The following ZNF713 variants were observed in gnomAD, a reference collection of about 807,000 sequenced individuals.
ZNF713 encodes zinc finger protein 713.
Under a neutral mutation model 28.7 loss-of-function variants are expected in ZNF713, and 21 were observed. The ratio of observed to expected loss-of-function variants is 0.73; its 90% CI spans 0.52 to 1.05. The LOEUF (loss-of-function observed/expected upper bound fraction) is 1.05. ZNF713 is among the 50% of genes least tolerant of loss of function. ZNF713 has a pLI of 0.00. For synonymous variants in ZNF713, 167 were observed against 178.0 expected (o/e 0.94, Z 0.49); for missense variants, 458 against 532.4 (o/e 0.86, Z 1.37).
Position 55,887,824 on chromosome 7 carries a change from CGGGCGGCGGGCGGCG to C in ZNF713, c.-583+147_-583+161del, listed in dbSNP as rs1463684155. ...GCGGGGGGCGGCGGGCGGCGGGCGG[CGGGCGGCGGGCGGCG>C]GGCGGCGGCGGCGGCGGGCGGCGGG... On this transcript the variant is annotated intron_variant, in intron 1 of 6. Coordinates refer to ENST00000429591, the MANE Select transcript of ZNF713 (RefSeq NM_182633.3). The C allele has an allele frequency of 6.8e-3, 10 of 1,460 alleles. 3 individuals are homozygous for C. The highest frequency in any genetic ancestry group is 0.019 in the Non-Finnish European group (10 of 532). 0.1% of individuals were successfully genotyped at this position (1,460 alleles called of 1,614,324 possible).
intron 1 of ZNF713, among the ~76,000 whole-genome samples, chr7:55,894,250 C>T (rs1374086759): frequency 2.6e-5 from 4 of 152,148 alleles, no homozygotes; most frequent in Non-Finnish European, 5.9e-5. Context: ...AGGTTGTCTC[C>T]CAAGGAGGCA....
At position 55,940,489 on chromosome 7, in the gene ZNF713, A is replaced by C; in HGVS notation, c.*483A>C. ...TAAACTAGCAGCATATTACATTCCC[A>C]GGAGGGGTTATAAAAAGAAAAAATA... On this transcript the variant is annotated 3_prime_UTR_variant, in exon 7 of 7. Transcript: ENST00000429591. 1 of 984,432 alleles carries C rather than the reference A, an allele frequency of 1.0e-6. No homozygotes were observed. Among genetic ancestry groups the C allele is most frequent in the South Asian group, 4.7e-5 (1 of 21,262 alleles). 61.0% of individuals were successfully genotyped at this position (984,432 alleles called of 1,614,324 possible).
At chr7:55,893,789 A>G (rs969829043) in intron 1 of ZNF713, among the ~76,000 whole-genome samples, 13 of 152,172 alleles carry the variant, frequency 8.5e-5, no homozygotes, top group Non-Finnish European at 1.6e-4. Flanking sequence ...TATGTTGGCC[A>G]GGCTGGTCTC....
chr7:55,918,675 A>G (rs1345674403), intron 4 of ZNF713, among the ~76,000 whole-genome samples: 11 of 152,204 alleles, frequency 7.2e-5, no homozygotes. Flanking sequence ...CGAAGAAGAA[A>G]TGTTGGATAA....
At chr7:55,934,094 A>T (rs572939688) in intron 6 of ZNF713, among the ~76,000 whole-genome samples, 52 of 152,276 alleles carry the variant, frequency 3.4e-4, no homozygotes, top group African/African-American at 1.2e-3. Flanking sequence ...AGGAAGAATA[A>T]TTTAGTTTTA....
At chr7:55,918,118 G>C (rs1467145384) in intron 4 of ZNF713, 3 of 456,684 alleles carry the variant, frequency 6.6e-6, no homozygotes, top group Non-Finnish European at 1.3e-5. Context: ...TGACTTTCAA[G>C]GCAGATCATA....
chr7:55,897,100 T>C (rs1212259972), intron 1 of ZNF713, among the ~76,000 whole-genome samples: 2 of 151,986 alleles, frequency 1.3e-5, no homozygotes, highest in African/African-American at 4.8e-5. Context: ...TATGGAAAAA[T>C]TCCAATACTA....
rs751374338 is a variant in ZNF713, at chr7:55,941,559, T to C, written c.*1553T>C. ...AGAGGAATATTTCACGAACGTCAGT[T>C]ATTTGTATGCTTTCTTTACAGTTTT... On this transcript the variant is annotated 3_prime_UTR_variant, in exon 7 of 7. Transcript: ENST00000429591. 6.6e-6 allele frequency: 1 copy of C among 152,092 alleles called. No homozygotes were observed. Among genetic ancestry groups the C allele is most frequent in the Non-Finnish European group, 1.5e-5 (1 of 68,032 alleles). 9.4% of individuals were successfully genotyped at this position (152,092 alleles called of 1,614,324 possible). A position where few individuals can be genotyped will look rare whatever the true frequency, so the allele number is the denominator to read the frequency against.
chr7:55,923,757 C>T, intron 6 of ZNF713, 58 bp downstream of exon 6: 1 of 1,381,104 alleles, frequency 7.2e-7, no homozygotes, highest in Non-Finnish European at 1.0e-6. Context: ...ACTTCTGAAC[C>T]ACTCAGTGGA....
At chr7:55,931,307 A>G (rs1026266968) in intron 6 of ZNF713, among the ~76,000 whole-genome samples, 2 of 152,086 alleles carry the variant, frequency 1.3e-5, no homozygotes, top group Non-Finnish European at 2.9e-5. Context: ...TTGAAACAGA[A>G]GTGTTACCCA....
intron 1 of ZNF713, among the ~76,000 whole-genome samples, chr7:55,903,790 T>C (rs1785623807): frequency 6.6e-6 from 1 of 151,830 alleles, no homozygotes; most frequent in South Asian, 2.1e-4. Flanking sequence ...TGGGGGTGGA[T>C]GGAGGGCACA....
intron 6 of ZNF713, among the ~76,000 whole-genome samples, chr7:55,935,070 T>A (rs1786318481): frequency 6.6e-6 from 1 of 151,928 alleles, no homozygotes; most frequent in African/African-American, 2.4e-5. Context: ...TGTATTTTTT[T>A]AGTAGAGATG....
chr7:55,905,601 T>A (rs1238520270), intron 1 of ZNF713, among the ~76,000 whole-genome samples: 1 of 152,098 alleles, frequency 6.6e-6, no homozygotes, highest in Non-Finnish European at 1.5e-5. Flanking sequence ...CAGTCTGAGC[T>A]GTTCTGCACC....
chr7:55,908,682 T>C (rs1231147656), intron 2 of ZNF713, among the ~76,000 whole-genome samples: 2 of 152,170 alleles, frequency 1.3e-5, no homozygotes, highest in Non-Finnish European at 2.9e-5. Flanking sequence ...TTTGTCCTGT[T>C]GTCTGTTTAC....
rs143604722 is a variant in ZNF713 at position 55,887,570 on chromosome 7, C to T, written c.-693C>T. The T allele has an allele frequency of 1.0e-3, 188 of 185,046 alleles. 9 individuals carry two copies. In the South Asian group the frequency reaches 0.015, roughly 15 times the overall value. 11.5% of individuals were successfully genotyped at this position (185,046 alleles called of 1,614,324 possible). ...GGCGTCATTGGCTCAGGCTGCGGGG[C>T]CCTCGGCACCTTCTCCCTCCCGGGT... is the stretch of plus-strand genomic sequence containing the variant. On this transcript the variant is annotated 5_prime_UTR_variant, in exon 1 of 7. Transcript: ENST00000429591.
At position 55,922,926 on chromosome 7, in the gene ZNF713, C is replaced by T. The variant is rs148941632; in HGVS notation, c.88-236C>T. Among the ~76,000 whole-genome samples the T allele has an allele frequency of 5.8e-3, 882 of 152,146 alleles. 4 individuals are homozygous for T. The highest frequency in any genetic ancestry group is 0.014 in the Middle Eastern group (4 of 294). On this transcript the variant is annotated intron_variant, in intron 4 of 6. Coordinates refer to ENST00000429591, the MANE Select transcript of ZNF713 (RefSeq NM_182633.3). Reference sequence around the variant, plus strand: ...TGGATGAAATGAGAGTCATTTTTCCCGTGCAGCAAACTGTAAACACTTAAA... The same window carrying T: ...TGGATGAAATGAGAGTCATTTTTCCTGTGCAGCAAACTGTAAACACTTAAA...
chr7:55,892,078 G>A (rs1272566053), intron 1 of ZNF713, among the ~76,000 whole-genome samples: 1 of 151,914 alleles, frequency 6.6e-6, no homozygotes, highest in Non-Finnish European at 1.5e-5. Context: ...AGGAGATCGA[G>A]ACCATCCTGG....
In ZNF713 at chr7:55,923,302, C is replaced by T. The variant is rs1156480797; in HGVS notation, c.214+14C>T. On this transcript the variant is annotated intron_variant, in intron 5 of 6. Transcript: ENST00000429591. ...TAGTTGCACTGGGTGAGGATGGCAT[C>T]CCTGTGAAACCGGAAGCCGTTCACG... 3 of 1,595,154 alleles carry T rather than the reference C, an allele frequency of 1.9e-6. No homozygotes were observed. Among genetic ancestry groups the T allele is most frequent in the Non-Finnish European group, 2.6e-6 (3 of 1,174,234 alleles).
chr7:55,912,604 T>C lies in ZNF713; in HGVS notation c.-2-31T>C, dbSNP rs567424412. 1.6e-4 allele frequency: 242 copies of C among 1,494,114 alleles called. 1 individual carries two copies. The highest frequency in any genetic ancestry group is 6.0e-4 in the Admixed American group (33 of 55,164). The allele number at this position is 1,494,114 out of a possible 1,614,324, so 92.6% of individuals were successfully genotyped here. ...GGATTTAAATTTAACCTTCGTGTCATATATTAACAAGATGCTTCTCTTTTT... is the reference window on the plus strand; with the variant it reads ...GGATTTAAATTTAACCTTCGTGTCACATATTAACAAGATGCTTCTCTTTTT... On this transcript the variant is annotated intron_variant, in intron 3 of 6. Transcript: ENST00000429591.
Sources: allele counts gnomAD v4.1 joint callset (sites outside exome capture counted in the v4.1 genomes callset), GRCh38; gene constraint gnomAD v4.1.1; transcripts MANE v1.5; gene names NCBI Gene and HGNC (gene_info 2026-07-23, HGNC 2026-07-21).